The following ADH1B variants were observed in gnomAD, a reference collection of about 807,000 sequenced individuals.
The protein encoded by ADH1B is alcohol dehydrogenase 1B (class I), beta polypeptide.
A neutral mutation model predicts 34.6 loss-of-function variants in ADH1B; 29 were observed. The observed-to-expected ratio is 0.84, with a 90% CI of 0.62 to 1.14. ADH1B has a LOEUF of 1.14. Ranked by LOEUF, ADH1B falls within the 50% of genes most tolerant of loss-of-function variation. The pLI, the probability that ADH1B is intolerant of heterozygous loss-of-function variation, is 0.00. For synonymous variants in ADH1B, 170 were observed against 175.5 expected (o/e 0.97, Z 0.25); for missense variants, 424 against 468.4 (o/e 0.91, Z 0.87).
At chr4:99,312,012 G>T (rs911300978) in intron 6 of ADH1B, among the ~76,000 whole-genome samples, 4 of 152,132 alleles carry the variant, frequency 2.6e-5, no homozygotes, top group Middle Eastern at 3.2e-3. Context: ...CTCTTAAGTG[G>T]ATTCCTATTC....
At chr4:99,314,328 A>G (rs1273053545) in intron 5 of ADH1B, 2 of 603,632 alleles carry the variant, frequency 3.3e-6, no homozygotes, top group Admixed American at 3.3e-5. Context: ...CCCACAGTCC[A>G]GGTCACAGCC....
intron 8 of ADH1B, chr4:99,310,472 TG>T: frequency 2.7e-6 from 1 of 364,222 alleles, no homozygotes; most frequent in Non-Finnish European, 5.1e-6. Context: ...TGTTTTTTTG[TG>T]GGGTTTTTTT....
chr4:99,307,600 A>G lies in ADH1B; in HGVS notation c.*240T>C, dbSNP rs1480623757. The stretch of plus-strand genomic sequence containing the variant: ...GACACAGTAGAATGGTTAAGAAGGA[A>G]GGTTTGTTGGCTTCAATTCCCCAGC... On this transcript the variant is annotated 3_prime_UTR_variant, in exon 9 of 9. Coordinates refer to ENST00000305046, the MANE Select transcript of ADH1B (RefSeq NM_000668.6). 7 of 557,174 alleles carry G rather than the reference A, an allele frequency of 1.3e-5. No individual in the cohort carries two copies. In the East Asian group the frequency reaches 2.2e-4, roughly 18 times the overall value. 34.5% of individuals were successfully genotyped at this position (557,174 alleles called of 1,614,324 possible).
chr4:99,310,427 A>C, intron 8 of ADH1B: 1 of 400,602 alleles, frequency 2.5e-6, no homozygotes, highest in African/African-American at 2.1e-5. Context: ...CTTCAAAGAC[A>C]CCATGTTATA....
At chr4:99,311,424 T>C in intron 7 of ADH1B, 97 bp downstream of exon 7, 1 of 1,381,830 alleles carries the variant, frequency 7.2e-7, no homozygotes, top group Non-Finnish European at 9.8e-7. Context: ...AATCTTGCCT[T>C]GTCAATTGTA....
intron 8 of ADH1B, among the ~76,000 whole-genome samples, chr4:99,308,167 G>A (rs1733659385): frequency 6.6e-6 from 1 of 151,592 alleles, no homozygotes; most frequent in African/African-American, 2.4e-5. Context: ...CCACGTTCCT[G>A]GTATAATAAG....
intron 8 of ADH1B, 141 bp from the exon 9 acceptor site, chr4:99,308,005 G>T: frequency 9.0e-7 from 1 of 1,106,430 alleles, no homozygotes; most frequent in Non-Finnish European, 1.3e-6. Context: ...CATACATTTG[G>T]TTCAAGAAAA....
chr4:99,320,777 T>C, intron 1 of ADH1B: 1 of 1,127,620 alleles, frequency 8.9e-7, no homozygotes, highest in South Asian at 2.1e-5. Flanking sequence ...ATTTGCATGT[T>C]GATGTCTTGC....
chr4:99,321,207 C>A (rs1734018113), intron 1 of ADH1B, 107 bp downstream of exon 1: 5 of 1,009,122 alleles, frequency 5.0e-6, no homozygotes, highest in East Asian at 2.9e-5. Context: ...TTCAGCATAT[C>A]ATTTCTAATT....
intron 5 of ADH1B, chr4:99,315,563 C>A (rs1163169398): frequency 5.4e-6 from 2 of 368,392 alleles, no homozygotes; most frequent in Non-Finnish European, 1.0e-5. Flanking sequence ...CAGAGCCTAG[C>A]AGAACCTATG....
chr4:99,317,801 T>C, intron 3 of ADH1B: 1 of 530,478 alleles, frequency 1.9e-6, no homozygotes, highest in Non-Finnish European at 3.2e-6. Context: ...CTCCAGGCTC[T>C]AACCTGGTGC....
chr4:99,318,739 G>A lies in ADH1B; in HGVS notation c.120+46C>T, dbSNP rs781090391. On this transcript the variant is annotated intron_variant, in intron 2 of 8. Transcript: ENST00000305046. ...GATGTTTCCATTTTTAATGTTCTCT[G>A]AGTTTTTTAAATGTAAAATGAAATA... The A allele has an allele frequency of 9.7e-6, 15 of 1,550,428 alleles. No individual in the cohort carries two copies. In the South Asian group the frequency reaches 1.3e-4, roughly 13 times the overall value.
At position 99,305,559 on chromosome 4, in the gene ADH1B, G is replaced by GTATA. The variant is rs1491392964; in HGVS notation, c.*2280_*2281insTATA. The GTATA allele has an allele frequency of 7.2e-4, 31 of 43,100 alleles. 8 individuals are homozygous for GTATA. The highest frequency in any genetic ancestry group is 1.2e-3 in the Non-Finnish European group (31 of 25,018). 2.7% of individuals were successfully genotyped at this position (43,100 alleles called of 1,614,324 possible). ...AACTATATGAACCACTTGCCCCATA[G>GTATA]TGTATATATATATATATATATATAT... On this transcript the variant is annotated 3_prime_UTR_variant, in exon 9 of 9. Coordinates refer to ENST00000305046, the MANE Select transcript of ADH1B (RefSeq NM_000668.6).
At chr4:99,315,299 C>G (rs1376832279) in intron 5 of ADH1B, 1 of 154,432 alleles carries the variant, frequency 6.5e-6, no homozygotes, top group African/African-American at 2.4e-5. Flanking sequence ...TTGAAATTTA[C>G]CACTTCTGAA....
intron 1 of ADH1B, chr4:99,320,958 A>G: frequency 8.3e-7 from 1 of 1,199,634 alleles, no homozygotes; most frequent in Non-Finnish European, 1.1e-6. Flanking sequence ...ACACATTTGA[A>G]TTATGGTTTC....
chr4:99,307,991 T>C (rs1183708400), intron 8 of ADH1B, 127 bp from the exon 9 acceptor site: 1 of 1,224,086 alleles, frequency 8.2e-7, no homozygotes, highest in Non-Finnish European at 1.2e-6. Flanking sequence ...CCTATTTCCA[T>C]CCCCATACAT....
intron 2 of ADH1B, 107 bp from the exon 3 acceptor site, chr4:99,318,291 TG>T: frequency 6.9e-7 from 1 of 1,440,056 alleles, no homozygotes; most frequent in South Asian, 1.2e-5. Flanking sequence ...TTGAGGGTTT[TG>T]CTACTAATCC....
rs1733562295 is a variant in ADH1B at position 99,304,975 on chromosome 4, A to G, written c.*2865T>C. On this transcript the variant is annotated 3_prime_UTR_variant, in exon 9 of 9. Transcript: ENST00000305046. The stretch of plus-strand genomic sequence containing the variant: ...CATAAGCTAATAGGTAAGCAGTAAT[A>G]TCTCATTTTGCTTTATTTTTTTTTT... The G allele has an allele frequency of 6.6e-6, 1 of 151,954 alleles. No homozygotes were observed. The highest frequency in any genetic ancestry group is 1.5e-5 in the Non-Finnish European group (1 of 68,000). 9.4% of individuals were successfully genotyped at this position (151,954 alleles called of 1,614,324 possible).
At chr4:99,318,989 G>T in intron 1 of ADH1B, 103 bp from the exon 2 acceptor site, 1 of 1,242,690 alleles carries the variant, frequency 8.0e-7, no homozygotes, top group Non-Finnish European at 1.2e-6. Context: ...CCCATGTCTG[G>T]TACCTAACAA....
Sources: allele counts gnomAD v4.1 joint callset (sites outside exome capture counted in the v4.1 genomes callset), GRCh38; gene constraint gnomAD v4.1.1; transcripts MANE v1.5; gene names NCBI Gene and HGNC (gene_info 2026-07-23, HGNC 2026-07-21).